BNC2: variants seen among roughly 807,000 people sequenced by gnomAD.
BNC2 encodes basonuclin zinc finger protein 2.
BNC2 carries 20 observed loss-of-function variants against 76.3 expected under a neutral mutation model. The ratio of observed to expected loss-of-function variants is 0.26; its 90% CI spans 0.18 to 0.38. The LOEUF (loss-of-function observed/expected upper bound fraction) is 0.38, where lower values mean the gene tolerates loss of function less well. BNC2 is among the 10% of genes least tolerant of loss of function. BNC2 has a pLI of 1.00. For missense variants in BNC2, 1,382 were observed against 1,399.8 expected, an observed-to-expected ratio of 0.99 and a Z score of 0.20; for synonymous variants, 582 against 514.8, an observed-to-expected ratio of 1.13 and a Z score of -1.77.
intron 3 of BNC2, among the ~76,000 whole-genome samples, chr9:16,661,401 T>C (rs993705255): frequency 2.0e-5 from 3 of 152,222 alleles, no homozygotes; most frequent in Non-Finnish European, 4.4e-5. Flanking sequence ...ACTTGGAGAC[T>C]GACTTCAATA....
At chr9:16,431,214 A>G (rs576512767) in intron 6 of BNC2, among the ~76,000 whole-genome samples, 1 of 152,346 alleles carries the variant, frequency 6.6e-6, no homozygotes, top group East Asian at 1.9e-4. Context: ...AGATTTTAAC[A>G]TATGAGCCAA....
intron 5 of BNC2, among the ~76,000 whole-genome samples, chr9:16,525,429 T>C (rs542709189): frequency 1.3e-5 from 2 of 151,634 alleles, no homozygotes; most frequent in East Asian, 3.9e-4. Context: ...GCAATAGAAA[T>C]ATAGAAAGAA....
At chr9:16,730,607 A>C (rs1233024490) in intron 2 of BNC2, among the ~76,000 whole-genome samples, 2 of 152,162 alleles carry the variant, frequency 1.3e-5, no homozygotes, top group Non-Finnish European at 1.5e-5. Context: ...TAATACATCC[A>C]AATCTAGTCT....
intron 5 of BNC2, among the ~76,000 whole-genome samples, chr9:16,493,191 C>T (rs544607897): frequency 6.6e-6 from 1 of 152,240 alleles, no homozygotes; most frequent in East Asian, 1.9e-4. Flanking sequence ...TAAGCAAAAC[C>T]ACTGATCTGT....
intron 1 of BNC2, among the ~76,000 whole-genome samples, chr9:16,824,142 A>C (rs530249604): frequency 1.3e-5 from 2 of 152,328 alleles, no homozygotes; most frequent in Admixed American, 1.3e-4. Context: ...TCATAAAAAT[A>C]GGCTGTGACC....
chr9:16,484,209 T>G (rs898585911), intron 5 of BNC2, among the ~76,000 whole-genome samples: 4 of 152,166 alleles, frequency 2.6e-5, no homozygotes, highest in African/African-American at 7.2e-5. Context: ...TTTTACACCT[T>G]ATAGCTCAAA....
At chr9:16,835,544 C>T (rs1563964009) in intron 1 of BNC2, among the ~76,000 whole-genome samples, 1 of 151,524 alleles carries the variant, frequency 6.6e-6, no homozygotes, top group African/African-American at 2.4e-5. Context: ...ACTAAAAATA[C>T]AAAAAAATTA....
chr9:16,563,085 G>A (rs771189863), intron 4 of BNC2, among the ~76,000 whole-genome samples: 4 of 152,044 alleles, frequency 2.6e-5, no homozygotes, highest in Non-Finnish European at 5.9e-5. Context: ...AGTCAAATTT[G>A]TCAGTCCCAC....
chr9:16,798,744 C>T (rs892916414), intron 1 of BNC2, among the ~76,000 whole-genome samples: 4 of 152,136 alleles, frequency 2.6e-5, no homozygotes, highest in African/African-American at 9.7e-5. Context: ...CTATGCTCCC[C>T]ACCACCCTGT....
Position 16,500,616 on chromosome 9 carries a change from A to T in BNC2, c.669+51914T>A, listed in dbSNP as rs540043305. Among the ~76,000 whole-genome samples, 3 of 152,124 alleles carry T rather than the reference A, an allele frequency of 2.0e-5. No individual in the cohort carries two copies. The South Asian group carries it at 6.2e-4, about 32-fold the overall frequency. On this transcript the variant is annotated intron_variant, in intron 5 of 6. Transcript: ENST00000380672. ...ATGCAAGTCTGAGTTATGCTAACCA[A>T]TCTTCTATATGCGCTTGCAAATTTT... is the stretch of plus-strand genomic sequence containing the variant.
chr9:16,719,775 T>C (rs912069127), intron 3 of BNC2, among the ~76,000 whole-genome samples: 2 of 152,206 alleles, frequency 1.3e-5, no homozygotes, highest in Non-Finnish European at 2.9e-5. Context: ...AATTTCATAA[T>C]ACCATCCATT....
intron 1 of BNC2, among the ~76,000 whole-genome samples, chr9:16,840,593 A>G (rs961613004): frequency 1.3e-5 from 2 of 152,220 alleles, no homozygotes; most frequent in Non-Finnish European, 2.9e-5. Flanking sequence ...GACAAACACT[A>G]TACAGTTTTG....
chr9:16,556,028 A>G (rs1160952993), intron 4 of BNC2, among the ~76,000 whole-genome samples: 1 of 151,494 alleles, frequency 6.6e-6, no homozygotes, highest in Non-Finnish European at 1.5e-5. Flanking sequence ...GGCCAGGTGC[A>G]GTGGCTCACA....
intron 5 of BNC2, among the ~76,000 whole-genome samples, chr9:16,521,442 G>C (rs1408138338): frequency 6.6e-6 from 1 of 152,174 alleles, no homozygotes; most frequent in African/African-American, 2.4e-5. Flanking sequence ...GATATAACGT[G>C]TTAGCATGGC....
At chr9:16,844,988 T>C (rs556557635) in intron 1 of BNC2, among the ~76,000 whole-genome samples, 8 of 152,224 alleles carry the variant, frequency 5.3e-5, no homozygotes, top group South Asian at 4.1e-4. Context: ...TCGCCCAAGA[T>C]TTCCAAACAC....
Position 16,410,158 on chromosome 9 carries a change from C to A in BNC2, c.*8831G>T, listed in dbSNP as rs1456576025. On this transcript the variant is annotated 3_prime_UTR_variant, in exon 7 of 7. Transcript: ENST00000380672. The stretch of plus-strand genomic sequence containing the variant: ...TAGTTCTAAAAGGCCTAGTCCATCA[C>A]CAGCAGGAGAGAACAGAGAACTGGC... The A allele has an allele frequency of 6.6e-6, 1 of 152,160 alleles. No homozygotes were observed. The highest frequency in any genetic ancestry group is 1.5e-5 in the Non-Finnish European group (1 of 68,050). The allele number at this position is 152,160 out of a possible 1,614,324, so 9.4% of individuals were successfully genotyped here. A position where few individuals can be genotyped will look rare whatever the true frequency, so the allele number is the denominator to read the frequency against.
chr9:16,764,880 A>C (rs950428213), intron 1 of BNC2, among the ~76,000 whole-genome samples: 1 of 151,856 alleles, frequency 6.6e-6, no homozygotes, highest in African/African-American at 2.4e-5. Flanking sequence ...CCCAAAAATA[A>C]ATGAGAGGGA....
intron 5 of BNC2, among the ~76,000 whole-genome samples, chr9:16,506,712 G>C (rs1275834213): frequency 2.0e-5 from 3 of 147,624 alleles, no homozygotes; most frequent in African/African-American, 7.6e-5. Context: ...TTTTAGTTGA[G>C]ACGGGGTTTC....
chr9:16,760,024 G>C (rs1021362562), intron 1 of BNC2, among the ~76,000 whole-genome samples: 2 of 152,154 alleles, frequency 1.3e-5, no homozygotes, highest in Non-Finnish European at 2.9e-5. Flanking sequence ...CGCGGGGCCA[G>C]AGACAGAAAC....
Sources: allele counts gnomAD v4.1 joint callset (sites outside exome capture counted in the v4.1 genomes callset), GRCh38; gene constraint gnomAD v4.1.1; transcripts MANE v1.5; gene names NCBI Gene and HGNC (gene_info 2026-07-23, HGNC 2026-07-21).